Variants in RNF150 observed in about 807,000 individuals in gnomAD.
The protein encoded by RNF150 is ring finger protein 150.
RNF150 carries 24 observed loss-of-function variants against 39.3 expected under a neutral mutation model. That is an observed-to-expected ratio of 0.61 (90% CI 0.44 to 0.86). RNF150 has a LOEUF of 0.86. Among genes scored for constraint, RNF150 ranks in the 40% least tolerant of loss-of-function variants. The pLI, the probability that RNF150 is intolerant of heterozygous loss-of-function variation, is 0.00. For missense variants in RNF150, 502 were observed against 587.8 expected, an observed-to-expected ratio of 0.85 and a Z score of 1.51; for synonymous variants, 255 against 227.3, an observed-to-expected ratio of 1.12 and a Z score of -1.10.
chr4:140,906,402 A>G (rs1730375672), intron 6 of RNF150, among the ~76,000 whole-genome samples: 1 of 152,226 alleles, frequency 6.6e-6, no homozygotes, highest in Non-Finnish European at 1.5e-5. Flanking sequence ...ATAAGTATCT[A>G]GAGGTGATTT....
In RNF150 at chr4:141,027,912, G is replaced by GTTTTTTGTTTTTTTTTTTTTTTTT. The variant is rs1560696593; in HGVS notation, c.485-60040_485-60039insAAAAAAAAAAAAAAAAACAAAAAA. On this transcript the variant is annotated intron_variant, in intron 1 of 6. Transcript: ENST00000515673. ...TAGATAGTTAATGAGCTTGGAATTT[G>GTTTTTTGTTTTTTTTTTTTTTTTT]TTTTTTTTTTTTTGTTTTTTTTTTT... 2.6e-4 allele frequency among the ~76,000 whole-genome samples: 7 copies of GTTTTTTGTTTTTTTTTTTTTTTTT among 27,102 alleles called. 3 individuals carry two copies. Among genetic ancestry groups the GTTTTTTGTTTTTTTTTTTTTTTTT allele is most frequent in the Non-Finnish European group, 3.4e-4 (4 of 11,596 alleles). The allele number at this position is 27,102 out of a possible 152,430, so 17.8% of individuals were successfully genotyped here. A position where few individuals can be genotyped will look rare whatever the true frequency, so the allele number is the denominator to read the frequency against.
chr4:141,152,177 T>C (rs1035982533), intron 1 of RNF150, among the ~76,000 whole-genome samples: 2 of 152,226 alleles, frequency 1.3e-5, no homozygotes, highest in African/African-American at 4.8e-5. Flanking sequence ...TACAGAATTA[T>C]ATTATGCCAC....
intron 5 of RNF150, among the ~76,000 whole-genome samples, chr4:140,917,745 T>TC (rs1285096524): frequency 2.6e-5 from 4 of 150,966 alleles, no homozygotes; most frequent in Middle Eastern, 3.4e-3. Flanking sequence ...ACATTTTTTT[T>TC]CAGCACCACA....
intron 1 of RNF150, among the ~76,000 whole-genome samples, chr4:141,095,239 G>T (rs1578723472): frequency 1.3e-5 from 2 of 152,156 alleles, no homozygotes; most frequent in African/African-American, 4.8e-5. Context: ...AATAGCTGGG[G>T]GCCTCAAACA....
chr4:140,952,400 A>G, intron 2 of RNF150, among the ~76,000 whole-genome samples: 1 of 152,228 alleles, frequency 6.6e-6, no homozygotes, highest in Middle Eastern at 3.2e-3. Context: ...AGCAAATGAA[A>G]TATGCCCTTC....
At chr4:140,959,391 G>A (rs1732922087) in intron 2 of RNF150, among the ~76,000 whole-genome samples, 1 of 152,070 alleles carries the variant, frequency 6.6e-6, no homozygotes, top group African/African-American at 2.4e-5. Flanking sequence ...CTCCCTAAAT[G>A]TGCTGTGTGT....
At chr4:140,999,980 GAAGAAAAGAAGAAAA>G (rs1239899563) in intron 1 of RNF150, among the ~76,000 whole-genome samples, 8 of 25,332 alleles carry the variant, frequency 3.2e-4, no homozygotes, top group East Asian at 2.1e-3. Flanking sequence ...AAGAAGAAAA[GAAGAAAAGAAGAAAA>G]GAAGAAGAAG....
intron 1 of RNF150, among the ~76,000 whole-genome samples, chr4:140,975,480 A>G (rs544966369): frequency 6.6e-6 from 1 of 152,276 alleles, no homozygotes; most frequent in South Asian, 2.1e-4. Flanking sequence ...TTGTGTGTGT[A>G]TGTGTTTTAT....
intron 1 of RNF150, among the ~76,000 whole-genome samples, chr4:141,183,113 A>G (rs1357054961): frequency 1.3e-5 from 2 of 152,198 alleles, no homozygotes; most frequent in African/African-American, 4.8e-5. Flanking sequence ...AAACTTTTCC[A>G]CATATAATTT....
intron 1 of RNF150, among the ~76,000 whole-genome samples, chr4:141,051,639 A>G (rs1412838749): frequency 1.3e-5 from 2 of 152,158 alleles, no homozygotes; most frequent in Non-Finnish European, 2.9e-5. Context: ...CCAGTTCTCA[A>G]CAAGTTTCTC....
intron 1 of RNF150, among the ~76,000 whole-genome samples, chr4:141,005,712 T>C (rs1203155559): frequency 1.3e-5 from 2 of 152,210 alleles, no homozygotes; most frequent in Non-Finnish European, 2.9e-5. Flanking sequence ...TACAGCCCAT[T>C]TGTAATTTGA....
Position 141,198,345 on chromosome 4 carries a change from T to C in RNF150, c.-6+14449A>G, listed in dbSNP as rs541021764. On this transcript the variant is annotated intron_variant, in intron 1 of 7. Coordinates refer to the RNF150 transcript ENST00000420921. ...CCCAGCCTAGACCACTCTTCTTTAT[T>C]TGTCTCTTTTCATAGATCCTGAGAG... 6.6e-5 allele frequency among the ~76,000 whole-genome samples: 10 copies of C among 152,326 alleles called. No homozygotes were observed. The South Asian group carries it at 2.1e-3, about 32-fold the overall frequency.
At chr4:141,069,546 C>T (rs1394474014) in intron 1 of RNF150, among the ~76,000 whole-genome samples, 7 of 148,386 alleles carry the variant, frequency 4.7e-5, no homozygotes, top group Non-Finnish European at 8.9e-5. Context: ...CTCTGCCCGG[C>T]TTTGCTATCA....
chr4:141,078,409 A>T (rs1247579288), intron 1 of RNF150, among the ~76,000 whole-genome samples: 1 of 152,148 alleles, frequency 6.6e-6, no homozygotes, highest in East Asian at 1.9e-4. Flanking sequence ...AAGGGAAGGA[A>T]GATTTCACTG....
At chr4:141,206,010 C>T (rs917660034) in intron 1 of RNF150, among the ~76,000 whole-genome samples, 1 of 152,176 alleles carries the variant, frequency 6.6e-6, no homozygotes, top group Non-Finnish European at 1.5e-5. Flanking sequence ...TCCAAATTCA[C>T]TCATGATCAC....
chr4:141,095,564 CA>C (rs1170411877), intron 1 of RNF150, among the ~76,000 whole-genome samples: 1 of 152,136 alleles, frequency 6.6e-6, no homozygotes, highest in Non-Finnish European at 1.5e-5. Flanking sequence ...AAAAATCAGA[CA>C]CAAAATAATT....
At chr4:141,162,489 T>C (rs1727532304) in intron 1 of RNF150, among the ~76,000 whole-genome samples, 1 of 151,994 alleles carries the variant, frequency 6.6e-6, no homozygotes, top group Admixed American at 6.6e-5. Flanking sequence ...CTGGAATGAA[T>C]TAAGCATTTG....
At chr4:140,964,716 A>C (rs1488705875) in intron 2 of RNF150, among the ~76,000 whole-genome samples, 2 of 152,070 alleles carry the variant, frequency 1.3e-5, no homozygotes, top group African/African-American at 4.8e-5. Flanking sequence ...TAAGTTTAAA[A>C]ACTCATATAA....
rs568901742 is a variant in RNF150, at chr4:141,192,965, T to C, written c.-6+19829A>G. On this transcript the variant is annotated intron_variant, in intron 1 of 7. Transcript: ENST00000420921. The stretch of plus-strand genomic sequence containing the variant: ...AGATCACTTCTCACATTCTTCAGGT[T>C]CTTCCAAAAAATTCAATCTCTTCAT... Among the ~76,000 whole-genome samples, 8 of 152,346 alleles carry C rather than the reference T, an allele frequency of 5.3e-5. No individual in the cohort carries two copies. In the South Asian group the frequency reaches 1.2e-3, roughly 24 times the overall value.
Sources: gnomAD v4.1 joint callset for allele counts (sites outside exome capture counted in the v4.1 genomes callset) on GRCh38, gnomAD v4.1.1 for gene constraint, MANE v1.5 for transcripts, NCBI Gene and HGNC (gene_info 2026-07-23, HGNC 2026-07-21) for gene names.